The following IL20RB variants were observed in gnomAD, a reference collection of about 807,000 sequenced individuals.
IL20RB encodes interleukin-20 receptor subunit beta.
IL20RB carries 21 observed loss-of-function variants against 33.3 expected under a neutral mutation model. The observed-to-expected ratio is 0.63, with a 90% confidence interval of 0.45 to 0.91. The LOEUF (loss-of-function observed/expected upper bound fraction) is 0.91. IL20RB is among the 40% of genes least tolerant of loss of function. The probability of loss-of-function intolerance (pLI) is 0.00; values close to 1 mark genes in which losing one functional copy is unlikely to be tolerated. For synonymous variants in IL20RB, 147 were observed against 146.8 expected (o/e 1.00, Z -0.01); for missense variants, 345 against 384.8 (o/e 0.90, Z 0.86).
intron 1 of IL20RB, among the ~76,000 whole-genome samples, chr3:136,975,755 T>A (rs571926421): frequency 1.3e-5 from 2 of 152,198 alleles, no homozygotes; most frequent in Non-Finnish European, 2.9e-5. Flanking sequence ...GGATGCCAGA[T>A]GGGCTGGTCT....
At chr3:136,983,129 C>T (rs1423171762) in intron 3 of IL20RB, among the ~76,000 whole-genome samples, 1 of 151,918 alleles carries the variant, frequency 6.6e-6, no homozygotes, top group Non-Finnish European at 1.5e-5. Flanking sequence ...ACTCTGTCAC[C>T]CAGGTTGGTG....
chr3:136,970,479 ATC>A, intron 1 of IL20RB, among the ~76,000 whole-genome samples: 1 of 152,206 alleles, frequency 6.6e-6, no homozygotes, highest in East Asian at 1.9e-4. Context: ...TATTTCTGGA[ATC>A]TCTATTCTGT....
intron 1 of IL20RB, among the ~76,000 whole-genome samples, chr3:136,960,414 G>A (rs564162989): frequency 9.3e-4 from 142 of 152,232 alleles, no homozygotes; most frequent in African/African-American, 3.3e-3. Context: ...CCAAAGTGCT[G>A]GGATTACAGG....
chr3:137,004,471 A>G (rs554213986), intron 6 of IL20RB, among the ~76,000 whole-genome samples: 125 of 152,228 alleles, frequency 8.2e-4, no homozygotes, highest in Admixed American at 9.8e-4. Flanking sequence ...CAGAGATTCA[A>G]CTTCTTCCTG....
At chr3:137,003,431 C>T (rs1241219823) in intron 6 of IL20RB, among the ~76,000 whole-genome samples, 2 of 152,092 alleles carry the variant, frequency 1.3e-5, no homozygotes, top group African/African-American at 4.8e-5. Context: ...TTGTTTGTGT[C>T]CTCTTTTATT....
chr3:136,990,060 G>A (rs1340857705), intron 4 of IL20RB, among the ~76,000 whole-genome samples: 1 of 151,992 alleles, frequency 6.6e-6, no homozygotes, highest in Non-Finnish European at 1.5e-5. Flanking sequence ...TGAGCAGGTG[G>A]GCCATGCAGA....
intron 2 of IL20RB, among the ~76,000 whole-genome samples, chr3:136,981,793 T>C (rs1342759351): frequency 1.3e-5 from 2 of 152,134 alleles, no homozygotes; most frequent in Non-Finnish European, 2.9e-5. Flanking sequence ...TAGGAAGCCA[T>C]TAAGGAGAGA....
intron 1 of IL20RB, among the ~76,000 whole-genome samples, chr3:136,977,258 T>C (rs1489924704): frequency 1.3e-5 from 2 of 152,220 alleles, no homozygotes; most frequent in Admixed American, 6.5e-5. Context: ...TTATAAAATT[T>C]AGGAAAAACT....
intron 1 of IL20RB, among the ~76,000 whole-genome samples, chr3:136,979,961 C>T (rs1331963322): frequency 6.6e-6 from 1 of 152,168 alleles, no homozygotes; most frequent in African/African-American, 2.4e-5. Context: ...CTTAAAGCCA[C>T]ATAGTAAGTG....
intron 1 of IL20RB, among the ~76,000 whole-genome samples, chr3:136,962,071 G>C (rs926844691): frequency 6.6e-6 from 1 of 152,102 alleles, no homozygotes; most frequent in Non-Finnish European, 1.5e-5. Context: ...GGTGGAGAAG[G>C]AACAGCTCTT....
chr3:136,993,782 A>G (rs1420959371), intron 5 of IL20RB, among the ~76,000 whole-genome samples: 1 of 152,028 alleles, frequency 6.6e-6, no homozygotes, highest in Non-Finnish European at 1.5e-5. Context: ...GGAGGCCGAG[A>G]CAGGTGGATC....
At chr3:136,989,884 C>T (rs181856683) in intron 4 of IL20RB, among the ~76,000 whole-genome samples, 2 of 152,144 alleles carry the variant, frequency 1.3e-5, no homozygotes, top group African/African-American at 4.8e-5. Flanking sequence ...CTCATCAGCT[C>T]ATCTCCTCAG....
At chr3:136,997,793 A>T (rs577514841) in intron 6 of IL20RB, among the ~76,000 whole-genome samples, 57 of 149,350 alleles carry the variant, frequency 3.8e-4, no homozygotes, top group Admixed American at 1.3e-3. Flanking sequence ...TTTTTTTTTG[A>T]GACGGAGTCC....
chr3:137,005,744 G>A (rs1942337349), intron 6 of IL20RB, among the ~76,000 whole-genome samples: 1 of 152,048 alleles, frequency 6.6e-6, no homozygotes, highest in Admixed American at 6.5e-5. Flanking sequence ...TCTTTTAATT[G>A]GGGCATTTAG....
rs563388386 is a variant in IL20RB at position 136,987,157 on chromosome 3, G to A, written c.407-2284G>A. ...TTGCCACTGCTGGCTCGGGCAGCCT[G>A]CTTTTATTCTCTTATCTGGCCCCAC... On this transcript the variant is annotated intron_variant, in intron 3 of 6. Transcript: ENST00000329582. Among the ~76,000 whole-genome samples the A allele has an allele frequency of 6.4e-3, 979 of 152,244 alleles. 8 individuals are homozygous for A. The highest frequency in any genetic ancestry group is 9.5e-3 in the Non-Finnish European group (644 of 68,014).
rs754015345 is a variant in IL20RB, at chr3:136,980,539, G to A, written c.162G>A (p.Trp54Ter). 8 of 1,614,204 alleles carry A rather than the reference G, an allele frequency of 5.0e-6. No individual in the cohort carries two copies. In the East Asian group the frequency reaches 1.1e-4, roughly 22 times the overall value. The stretch of plus-strand genomic sequence containing the variant: ...CCAACATGAAGCATCTCTTGATGTG[G>A]AGCCCAGTGATCGCGCCTGGAGAAA... The part of the protein sequence containing the change: ...LSTNMKHLLM[W>*]SPVIAPGETV... Residue 54 changes from tryptophan (W) to a stop codon, truncating the protein, a stop_gained, in exon 2 of 7, where the codon TGG becomes TGA. Transcript: ENST00000329582. LOFTEE classifies it high-confidence loss of function.
intron 3 of IL20RB, among the ~76,000 whole-genome samples, chr3:136,985,779 C>T (rs1941884326): frequency 6.6e-6 from 1 of 152,152 alleles, no homozygotes; most frequent in African/African-American, 2.4e-5. Flanking sequence ...CTGCATGCAT[C>T]TTATTCACTG....
At chr3:136,960,138 C>CTTTTTTTTTT (rs10540948) in intron 1 of IL20RB, among the ~76,000 whole-genome samples, 1 of 36,198 alleles carries the variant, frequency 2.8e-5, no homozygotes, top group African/African-American at 1.1e-4. Flanking sequence ...AGAGTTGTGG[C>CTTTTTTTTTT]TTTTTTTTTT....
intron 6 of IL20RB, among the ~76,000 whole-genome samples, chr3:137,005,963 G>T (rs563562925): frequency 2.0e-5 from 3 of 152,314 alleles, no homozygotes; most frequent in East Asian, 3.9e-4. Flanking sequence ...AGGCCTGGTG[G>T]TGACAAAATC....
Sources: gnomAD v4.1 joint callset for allele counts (sites outside exome capture counted in the v4.1 genomes callset) on GRCh38, gnomAD v4.1.1 for gene constraint, MANE v1.5 for transcripts, NCBI Gene and HGNC (gene_info 2026-07-23, HGNC 2026-07-21) for gene names.